MACROD1: variants seen among roughly 807,000 people sequenced by gnomAD.
The protein encoded by MACROD1 is ADP-ribose glycohydrolase MACROD1.
Under a neutral mutation model 41.4 loss-of-function variants are expected in MACROD1, and 31 were observed. The ratio of observed to expected loss-of-function variants is 0.75; its 90% confidence interval spans 0.56 to 1.01. MACROD1 has a LOEUF of 1.01. MACROD1 is among the 50% of genes least tolerant of loss of function. The probability of loss-of-function intolerance (pLI) is 0.00; values close to 1 mark genes in which losing one functional copy is unlikely to be tolerated. For missense variants in MACROD1, 473 were observed against 460.0 expected (o/e 1.03, Z -0.26); for synonymous variants, 252 against 203.4 (o/e 1.24, Z -2.03).
intron 3 of MACROD1, among the ~76,000 whole-genome samples, chr11:64,079,462 C>T (rs903293936): frequency 6.6e-6 from 1 of 152,186 alleles, no homozygotes; most frequent in South Asian, 2.1e-4. Context: ...AATGAGCAGC[C>T]GGGCACGCAG....
chr11:64,093,019 T>C (rs1440737806), intron 3 of MACROD1, among the ~76,000 whole-genome samples: 1 of 152,168 alleles, frequency 6.6e-6, no homozygotes, highest in African/African-American at 2.4e-5. Context: ...CCGGAGTGGC[T>C]GGTGTGGCCT....
chr11:64,000,958 C>G (rs2134318936), intron 4 of MACROD1, among the ~76,000 whole-genome samples: 1 of 152,356 alleles, frequency 6.6e-6, no homozygotes, highest in African/African-American at 2.4e-5. Flanking sequence ...GAGGTGAGCC[C>G]GACGCCCGGG....
intron 3 of MACROD1, among the ~76,000 whole-genome samples, chr11:64,113,937 CGGAT>C (rs562555774): frequency 4.3e-3 from 287 of 66,586 alleles, no homozygotes; most frequent in Middle Eastern, 0.015. Context: ...GATTGATGCA[CGGAT>C]GGATGGATGG....
intron 3 of MACROD1, among the ~76,000 whole-genome samples, chr11:64,121,692 C>T (rs1480562051): frequency 6.6e-6 from 1 of 152,246 alleles, no homozygotes; most frequent in Non-Finnish European, 1.5e-5. Context: ...GATGCCAACC[C>T]CAGCCTGTCT....
chr11:64,004,321 C>T (rs1942874199), intron 4 of MACROD1, among the ~76,000 whole-genome samples: 1 of 152,200 alleles, frequency 6.6e-6, no homozygotes, highest in Non-Finnish European at 1.5e-5. Context: ...GGAAGGCAGG[C>T]AGGCTCCGGT....
intron 3 of MACROD1, among the ~76,000 whole-genome samples, chr11:64,105,611 G>C (rs4980504): frequency 2.0e-5 from 3 of 151,956 alleles, no homozygotes; most frequent in African/African-American, 7.2e-5. Flanking sequence ...GCTAAGAGGC[G>C]TGACCCCACA....
chr11:64,115,972 G>A (rs527277314), intron 3 of MACROD1, among the ~76,000 whole-genome samples: 5 of 152,324 alleles, frequency 3.3e-5, no homozygotes, highest in East Asian at 1.9e-4. Flanking sequence ...TCATTAATGC[G>A]CAGCCTCTTG....
intron 4 of MACROD1, among the ~76,000 whole-genome samples, chr11:64,009,499 T>C (rs1022612882): frequency 1.3e-5 from 2 of 152,200 alleles, no homozygotes; most frequent in Non-Finnish European, 2.9e-5. Context: ...AAACTGGGTC[T>C]CCCTGAAGGC....
At chr11:64,112,194 G>A (rs947768407) in intron 3 of MACROD1, among the ~76,000 whole-genome samples, 5 of 152,114 alleles carry the variant, frequency 3.3e-5, no homozygotes, top group Non-Finnish European at 5.9e-5. Flanking sequence ...CTTGTAGAGC[G>A]TACCTTCTAG....
At chr11:64,115,008 T>C (rs1944951189) in intron 3 of MACROD1, among the ~76,000 whole-genome samples, 1 of 152,116 alleles carries the variant, frequency 6.6e-6, no homozygotes, top group South Asian at 2.1e-4. Context: ...GGCATGAAAA[T>C]AAGGTCCCTG....
rs563604472 is a variant in MACROD1 at position 64,148,925 on chromosome 11, G to A, written c.517+2314C>T. On this transcript the variant is annotated intron_variant, in intron 3 of 10. Coordinates refer to ENST00000255681, the MANE Select transcript of MACROD1 (RefSeq NM_014067.4). ...GAACGCTGGGGTTCCACAAAGCCCT[G>A]GACGGCTGAAAGGAGACTCGGGCTC... 4.6e-3 allele frequency: 4,526 copies of A among 985,474 alleles called. 13 individuals carry two copies. Among genetic ancestry groups the A allele is most frequent in the Non-Finnish European group, 5.1e-3 (4,268 of 829,954 alleles). 61.0% of individuals were successfully genotyped at this position (985,474 alleles called of 1,614,324 possible).
chr11:64,149,599 T>C (rs1945545490), intron 3 of MACROD1, among the ~76,000 whole-genome samples: 1 of 152,206 alleles, frequency 6.6e-6, no homozygotes, highest in African/African-American at 2.4e-5. Context: ...TCCTGGCCCA[T>C]GTTGCAGCGA....
intron 3 of MACROD1, chr11:64,149,014 G>A (rs1945536149): frequency 2.0e-6 from 2 of 985,204 alleles, no homozygotes; most frequent in African/African-American, 3.5e-5. Flanking sequence ...GCGGGTACCG[G>A]GTCCTCCTGG....
chr11:64,075,676 T>C (rs1944187165), intron 3 of MACROD1, among the ~76,000 whole-genome samples: 1 of 152,234 alleles, frequency 6.6e-6, no homozygotes, highest in African/African-American at 2.4e-5. Flanking sequence ...TGGCTGCTGC[T>C]GCTTCTTTTT....
intron 3 of MACROD1, among the ~76,000 whole-genome samples, chr11:64,051,145 C>T (rs1943686605): frequency 6.6e-6 from 1 of 152,236 alleles, no homozygotes. Flanking sequence ...TTGAGGCCCC[C>T]TGACCACTCA....
rs1032143948 is a variant in MACROD1 at position 64,061,029 on chromosome 11, C to T, written c.518-45748G>A. On this transcript the variant is annotated intron_variant, in intron 3 of 10. Coordinates refer to ENST00000255681, the MANE Select transcript of MACROD1 (RefSeq NM_014067.4). ...CGACCCAGGCATCCTCAACCGCGGC[C>T]TCCTCCTCCCTTGTCTTGATGGAAA... Among the ~76,000 whole-genome samples, 35 of 152,274 alleles carry T rather than the reference C, an allele frequency of 2.3e-4. 1 individual carries two copies. Among genetic ancestry groups the T allele is most frequent in the Non-Finnish European group, 4.1e-4 (28 of 67,998 alleles).
intron 3 of MACROD1, among the ~76,000 whole-genome samples, chr11:64,094,149 T>C (rs759289880): frequency 1.3e-5 from 2 of 151,938 alleles, no homozygotes; most frequent in Non-Finnish European, 2.9e-5. Flanking sequence ...ATACAAAGCT[T>C]AGGCTGGGCG....
intron 3 of MACROD1, among the ~76,000 whole-genome samples, chr11:64,091,944 A>T (rs1464188785): frequency 6.6e-6 from 1 of 152,158 alleles, no homozygotes; most frequent in African/African-American, 2.4e-5. Context: ...CAGGAAGCAT[A>T]CTGAGGGCAG....
At chr11:64,022,352 T>A (rs1943169092) in intron 3 of MACROD1, among the ~76,000 whole-genome samples, 1 of 151,946 alleles carries the variant, frequency 6.6e-6, no homozygotes. Flanking sequence ...GTCCCCAGCA[T>A]CCTCCTCACC....
Sources: allele counts gnomAD v4.1 joint callset (sites outside exome capture counted in the v4.1 genomes callset), GRCh38; gene constraint gnomAD v4.1.1; transcripts MANE v1.5; gene names NCBI Gene and HGNC (gene_info 2026-07-23, HGNC 2026-07-21).